SAXO1: variants seen among roughly 807,000 people sequenced by gnomAD.
SAXO1 encodes stabilizer of axonemal microtubules 1, also known as 4930500O09Rik.
A neutral mutation model predicts 17.5 loss-of-function variants in SAXO1; 21 were observed. The ratio of observed to expected loss-of-function variants is 1.20; its 90% CI spans 0.85 to 1.72. The LOEUF (loss-of-function observed/expected upper bound fraction) is 1.72. Ranked by LOEUF, SAXO1 falls within the 40% of genes most tolerant of loss-of-function variation. The pLI is 0.00. For missense variants in SAXO1, 843 were observed against 596.0 expected (o/e 1.41, Z -4.32); for synonymous variants, 274 against 216.5 (o/e 1.27, Z -2.33).
intron 1 of SAXO1, among the ~76,000 whole-genome samples, chr9:19,015,635 G>A (rs1370651634): frequency 7.2e-5 from 10 of 139,002 alleles, no homozygotes; most frequent in African/African-American, 2.3e-4. Flanking sequence ...GAGCCATCAC[G>A]CCTGGCCCTT....
intron 1 of SAXO1, among the ~76,000 whole-genome samples, chr9:19,016,792 A>G (rs890006633): frequency 1.4e-5 from 2 of 140,462 alleles, no homozygotes; most frequent in African/African-American, 5.3e-5. Context: ...ACTATCTAAC[A>G]TCTGACTTTT....
intron 1 of SAXO1, among the ~76,000 whole-genome samples, chr9:19,015,491 G>C (rs1834935928): frequency 1.3e-5 from 2 of 152,086 alleles, no homozygotes; most frequent in African/African-American, 4.8e-5. Flanking sequence ...TTATGTGTGT[G>C]TACCACCACG....
At chr9:18,936,116 G>T (rs1347430144) in intron 3 of SAXO1, among the ~76,000 whole-genome samples, 1 of 152,060 alleles carries the variant, frequency 6.6e-6, no homozygotes. Context: ...TTTGGGAAGA[G>T]GATTTGCCAA....
intron 1 of SAXO1, among the ~76,000 whole-genome samples, chr9:19,048,974 T>C (rs1836286467): frequency 6.6e-6 from 1 of 152,238 alleles, no homozygotes; most frequent in African/African-American, 2.4e-5. Flanking sequence ...AAGTCTCACT[T>C]TCCGCGCCTG....
chr9:18,944,429 C>G (rs147354065), intron 2 of SAXO1, among the ~76,000 whole-genome samples: 1 of 152,120 alleles, frequency 6.6e-6, no homozygotes, highest in African/African-American at 2.4e-5. Context: ...TTTAAATTCA[C>G]GTAAAAGAAA....
At chr9:19,014,599 C>T (rs1834891684) in intron 1 of SAXO1, among the ~76,000 whole-genome samples, 2 of 150,984 alleles carry the variant, frequency 1.3e-5, no homozygotes, top group Admixed American at 1.3e-4. Context: ...GAAAATAGAA[C>T]CAAGTAGCTC....
chr9:19,040,345 A>G (rs752733530), intron 1 of SAXO1, among the ~76,000 whole-genome samples: 2 of 152,142 alleles, frequency 1.3e-5, no homozygotes, highest in African/African-American at 4.8e-5. Flanking sequence ...GTGAAATTTG[A>G]TTAAAGATGT....
At chr9:18,963,412 G>C (rs1186800256) in intron 1 of SAXO1, among the ~76,000 whole-genome samples, 2 of 151,426 alleles carry the variant, frequency 1.3e-5, no homozygotes, top group Non-Finnish European at 2.9e-5. Context: ...CCATTTGTAT[G>C]ATACTGATTC....
intron 2 of SAXO1, among the ~76,000 whole-genome samples, chr9:18,946,180 G>A (rs1315563585): frequency 6.7e-6 from 1 of 150,300 alleles, no homozygotes; most frequent in Non-Finnish European, 1.5e-5. Flanking sequence ...GGAGGCTGAG[G>A]CAGGAGAATC....
At chr9:19,026,317 C>T (rs1835469727) in intron 1 of SAXO1, among the ~76,000 whole-genome samples, 1 of 152,086 alleles carries the variant, frequency 6.6e-6, no homozygotes, top group Non-Finnish European at 1.5e-5. Flanking sequence ...GTGTCTGATA[C>T]CCAGTAAAAT....
In SAXO1 at chr9:19,028,182, G is replaced by A. The variant is rs957197415; in HGVS notation, c.38+4689C>T. The A allele has an allele frequency of 8.4e-6, 11 of 1,304,172 alleles. No homozygotes were observed. The African/African-American group carries it at 1.3e-4, about 16-fold the overall frequency. 80.8% of individuals were successfully genotyped at this position (1,304,172 alleles called of 1,614,324 possible). ...CTCGCGGCTGAAGTGCGCAATAAAA[G>A]ATGGTTTAGAGGCAAAATAAAACAA... On this transcript the variant is annotated intron_variant, in intron 1 of 3. Transcript: ENST00000380534.
intron 1 of SAXO1, among the ~76,000 whole-genome samples, chr9:18,998,094 A>G (rs1834087153): frequency 6.6e-6 from 1 of 152,164 alleles, no homozygotes; most frequent in Admixed American, 6.5e-5. Flanking sequence ...CCAGGGAACA[A>G]AACTGGATGG....
At chr9:18,938,312 G>A (rs1158976565) in intron 3 of SAXO1, among the ~76,000 whole-genome samples, 2 of 152,174 alleles carry the variant, frequency 1.3e-5, no homozygotes, top group Non-Finnish European at 2.9e-5. Flanking sequence ...AAAAGCAGTT[G>A]AATTGGCTCA....
intron 1 of SAXO1, among the ~76,000 whole-genome samples, chr9:18,992,919 G>C (rs1337190939): frequency 1.3e-5 from 2 of 151,978 alleles, no homozygotes; most frequent in Non-Finnish European, 2.9e-5. Flanking sequence ...TCCTGCCTCA[G>C]CCTCCAGAAT....
chr9:19,023,030 G>C (rs1467800178), intron 1 of SAXO1, among the ~76,000 whole-genome samples: 1 of 152,078 alleles, frequency 6.6e-6, no homozygotes, highest in East Asian at 1.9e-4. Context: ...CTCAAGTGTA[G>C]GCATCCCAGA....
rs930104236 is a variant in SAXO1 at position 18,951,007 on chromosome 9, C to A, written c.39-70G>T. ...AAAACCCAATTTCCTAAGAGTACTTCCGCCAAATGTGACTCAGACTGTAAA... is the reference window on the plus strand; with the variant it reads ...AAAACCCAATTTCCTAAGAGTACTTACGCCAAATGTGACTCAGACTGTAAA... On this transcript the variant is annotated intron_variant, in intron 1 of 3. Coordinates refer to ENST00000380534, the MANE Select transcript of SAXO1 (RefSeq NM_153707.4). The A allele has an allele frequency of 8.4e-6, 12 of 1,436,000 alleles. 1 individual carries two copies. The South Asian group carries it at 1.2e-4, about 15-fold the overall frequency. 89.0% of individuals were successfully genotyped at this position (1,436,000 alleles called of 1,614,324 possible).
chr9:19,031,363 C>G (rs1240297161), intron 1 of SAXO1, among the ~76,000 whole-genome samples: 1 of 152,214 alleles, frequency 6.6e-6, no homozygotes, highest in Non-Finnish European at 1.5e-5. Context: ...GAGTTCAAAA[C>G]CAGCCTGGAC....
intron 3 of SAXO1, among the ~76,000 whole-genome samples, chr9:18,932,925 T>C (rs1195154119): frequency 1.3e-5 from 2 of 152,080 alleles, no homozygotes; most frequent in Admixed American, 6.5e-5. Flanking sequence ...ATTTTTTGGA[T>C]TCCTTGGTGT....
At chr9:19,005,731 G>C (rs536666773) in intron 1 of SAXO1, among the ~76,000 whole-genome samples, 2 of 152,252 alleles carry the variant, frequency 1.3e-5, no homozygotes, top group East Asian at 3.9e-4. Flanking sequence ...TGATTTCTTG[G>C]CTATGACATC....
Sources: allele counts gnomAD v4.1 joint callset (sites outside exome capture counted in the v4.1 genomes callset), GRCh38; gene constraint gnomAD v4.1.1; transcripts MANE v1.5; gene names NCBI Gene and HGNC (gene_info 2026-07-23, HGNC 2026-07-21).